The following KRT8 variants were observed in gnomAD, a reference collection of about 807,000 sequenced individuals.
KRT8 encodes keratin, type II cytoskeletal 8.
A neutral mutation model predicts 43.0 loss-of-function variants in KRT8; 24 were observed. The observed-to-expected ratio is 0.56, with a 90% CI of 0.40 to 0.78. The LOEUF is 0.78. KRT8 is among the 30% of genes least tolerant of loss of function. The pLI is 0.00. For synonymous variants in KRT8, 214 were observed against 261.2 expected (o/e 0.82, Z 1.74); for missense variants, 492 against 638.4 (o/e 0.77, Z 2.47).
chr12:52,942,182 G>A (rs918687855), intron 2 of KRT8, among the ~76,000 whole-genome samples: 1 of 152,224 alleles, frequency 6.6e-6, no homozygotes, highest in Non-Finnish European at 1.5e-5. Context: ...GATTCTTCCA[G>A]GAGGAGGAGG....
upstream of KRT8, chr12:52,905,111 T>G (rs1297622005): frequency 6.9e-7 from 1 of 1,450,796 alleles, no homozygotes; most frequent in Non-Finnish European, 9.0e-7. Context: ...CCCCGGGGGA[T>G]GGGGGGGAAA....
intron 7 of KRT8, 141 bp downstream of exon 7, chr12:52,898,320 C>T: frequency 8.5e-6 from 6 of 709,674 alleles, no homozygotes; most frequent in Admixed American, 6.9e-5. Flanking sequence ...GAATATGTGC[C>T]TCCCCACCCT....
chr12:52,910,651 C>T (rs1941617577), upstream of KRT8, among the ~76,000 whole-genome samples: 1 of 152,216 alleles, frequency 6.6e-6, no homozygotes, highest in Non-Finnish European at 1.5e-5. Context: ...ACTTCAGAAG[C>T]TGACATTGCG....
rs957606412 is a variant in KRT8, at chr12:52,919,488, A to C, written c.-46-14461T>G. Among the ~76,000 whole-genome samples, 107 of 152,012 alleles carry C rather than the reference A, an allele frequency of 7.0e-4. 1 individual carries two copies. The highest frequency in any genetic ancestry group is 2.4e-3 in the African/African-American group (99 of 41,476). ...TCACCATGTTGACCAGGCTGGTCCC[A>C]AACTGCTGGCCCCAAGTGATCTGCT... On this transcript the variant is annotated intron_variant, in intron 2 of 6. Coordinates refer to the KRT8 transcript ENST00000546826.
At chr12:52,938,179 TTTTTTTA>T (rs1198562814) in intron 2 of KRT8, among the ~76,000 whole-genome samples, 2,935 of 95,776 alleles carry the variant, frequency 0.031, 261 homozygotes, top group South Asian at 0.053. Flanking sequence ...TATTTTTTTT[TTTTTTTA>T]TATATAAGGT....
chr12:52,930,597 G>A (rs560509067), intron 2 of KRT8, among the ~76,000 whole-genome samples: 3 of 151,904 alleles, frequency 2.0e-5, no homozygotes, highest in Non-Finnish European at 2.9e-5. Flanking sequence ...GTCTTACTCC[G>A]TCACCCAGGC....
chr12:52,949,099 G>A, intron 2 of KRT8: 3 of 1,334,546 alleles, frequency 2.2e-6, no homozygotes, highest in Non-Finnish European at 3.1e-6. Flanking sequence ...ATATAACTCG[G>A]GTCGCGCGGC....
intron 2 of KRT8, among the ~76,000 whole-genome samples, chr12:52,940,625 A>ATT (rs71092795): frequency 1.1e-3 from 134 of 127,554 alleles, no homozygotes; most frequent in African/African-American, 3.8e-3. Flanking sequence ...AACACAGTGG[A>ATT]TTTTTTTTTT....
At chr12:52,949,732 C>T in exon 1 of KRT8, 1 of 777,184 alleles carries the variant, frequency 1.3e-6, no homozygotes, top group Non-Finnish European at 2.3e-6. Flanking sequence ...TCCATCCGCG[C>T]ACCTAGCCAC....
upstream of KRT8, among the ~76,000 whole-genome samples, chr12:52,910,106 C>T (rs1054836421): frequency 6.6e-6 from 1 of 152,164 alleles, no homozygotes; most frequent in African/African-American, 2.4e-5. Flanking sequence ...ACCCTCCTCT[C>T]CACTGATGCC....
chr12:52,937,743 A>G (rs1942191851), intron 2 of KRT8, among the ~76,000 whole-genome samples: 1 of 150,798 alleles, frequency 6.6e-6, no homozygotes, highest in Admixed American at 6.6e-5. Context: ...CATGCCTGTA[A>G]TCCCAGCACT....
intron 2 of KRT8, among the ~76,000 whole-genome samples, chr12:52,917,037 C>G (rs929797807): frequency 3.9e-5 from 6 of 152,154 alleles, no homozygotes; most frequent in Non-Finnish European, 8.8e-5. Flanking sequence ...AGGATTCCCC[C>G]AGAGAGAGAC....
chr12:52,908,069 C>A (rs1176712065), upstream of KRT8, among the ~76,000 whole-genome samples: 1 of 152,198 alleles, frequency 6.6e-6, no homozygotes, highest in African/African-American at 2.4e-5. Flanking sequence ...TCCCTGTGGG[C>A]CAAGAGTGAG....
rs1349313351 is a variant in KRT8, at chr12:52,932,195, G to A, written c.-47+17261C>T. ...TGCAACCTCCACCCTCTGGGTTCAA[G>A]TGCCTGCCTCAGCCTCCTGTGTAGC... On this transcript the variant is annotated intron_variant, in intron 2 of 6. Transcript: ENST00000546826. Among the ~76,000 whole-genome samples the A allele has an allele frequency of 1.7e-4, 25 of 148,356 alleles. No individual in the cohort carries two copies. In the Admixed American group the frequency reaches 1.7e-3, roughly 10 times the overall value.
chr12:52,937,999 CAAAA>C (rs533386383), intron 2 of KRT8, among the ~76,000 whole-genome samples: 1 of 52,706 alleles, frequency 1.9e-5, no homozygotes. Context: ...AACTCCATCT[CAAAA>C]AAAAAAAAAA....
intron 2 of KRT8, among the ~76,000 whole-genome samples, chr12:52,923,623 T>C (rs555848194): frequency 7.9e-5 from 12 of 151,918 alleles, no homozygotes; most frequent in African/African-American, 2.9e-4. Flanking sequence ...TTTCACCTTG[T>C]TAGCCAGGAT....
chr12:52,926,515 C>G, intron 2 of KRT8: 1 of 1,502,592 alleles, frequency 6.7e-7, no homozygotes, highest in Non-Finnish European at 9.0e-7. Context: ...GCCCCAGTCA[C>G]CTCTGCCGGA....
intron 2 of KRT8, among the ~76,000 whole-genome samples, chr12:52,934,214 G>A (rs978597814): frequency 2.6e-5 from 4 of 151,476 alleles, no homozygotes; most frequent in Non-Finnish European, 4.4e-5. Context: ...GGGTGACAGA[G>A]TGAAACTTCA....
At chr12:52,922,236 G>T in intron 2 of KRT8, among the ~76,000 whole-genome samples, 1 of 134,866 alleles carries the variant, frequency 7.4e-6, no homozygotes, top group Non-Finnish European at 1.6e-5. Flanking sequence ...GCAAATGGGA[G>T]AGCCAGAACT....
Sources: allele counts gnomAD v4.1 joint callset (sites outside exome capture counted in the v4.1 genomes callset), GRCh38; gene constraint gnomAD v4.1.1; transcripts MANE v1.5; gene names NCBI Gene and HGNC (gene_info 2026-07-23, HGNC 2026-07-21).